CTNND2: variants seen among roughly 807,000 people sequenced by gnomAD.
CTNND2 encodes the protein catenin delta-2.
Under a neutral mutation model 144.4 loss-of-function variants are expected in CTNND2, and 22 were observed. That is an observed-to-expected ratio of 0.15 (90% CI 0.11 to 0.22). CTNND2 has a LOEUF of 0.22. Among genes scored for constraint, CTNND2 ranks in the 10% least tolerant of loss-of-function variants. CTNND2 has a pLI of 1.00. For synonymous variants in CTNND2, 751 were observed against 695.6 expected (o/e 1.08, Z -1.25); for missense variants, 1,353 against 1,618.8 (o/e 0.84, Z 2.82).
intron 1 of CTNND2, among the ~76,000 whole-genome samples, chr5:11,770,770 G>A (rs1055559280): frequency 2.6e-5 from 4 of 152,120 alleles, no homozygotes; most frequent in African/African-American, 9.7e-5. Context: ...AGAACAGTGA[G>A]TAGATCAGAA....
intron 2 of CTNND2, among the ~76,000 whole-genome samples, chr5:11,699,002 G>T (rs1785273516): frequency 6.7e-6 from 1 of 148,866 alleles, no homozygotes; most frequent in Non-Finnish European, 1.5e-5. Context: ...TACAATTTAT[G>T]TATTAACTAT....
At chr5:11,598,495 C>T (rs1779628840) in intron 2 of CTNND2, among the ~76,000 whole-genome samples, 2 of 152,150 alleles carry the variant, frequency 1.3e-5, no homozygotes, top group South Asian at 4.1e-4. Context: ...ATATTGTATA[C>T]ACATTTTAAA....
intron 2 of CTNND2, among the ~76,000 whole-genome samples, chr5:11,684,039 C>G (rs1167473038): frequency 6.6e-6 from 1 of 152,104 alleles, no homozygotes; most frequent in Non-Finnish European, 1.5e-5. Flanking sequence ...TGATGTCGAT[C>G]CACTTTTAAT....
At chr5:11,261,650 C>T (rs1283222230) in intron 9 of CTNND2, among the ~76,000 whole-genome samples, 2 of 152,242 alleles carry the variant, frequency 1.3e-5, no homozygotes, top group Admixed American at 1.3e-4. Context: ...ATCCTCGTGT[C>T]TCACCCACCC....
chr5:11,536,093 TCA>T (rs778485598), intron 3 of CTNND2, among the ~76,000 whole-genome samples: 1 of 152,238 alleles, frequency 6.6e-6, no homozygotes, highest in Admixed American at 6.5e-5. Context: ...TGACAAATTC[TCA>T]CTCTGTCACC....
chr5:11,206,014 T>C (rs1215580883), intron 10 of CTNND2, among the ~76,000 whole-genome samples: 2 of 152,222 alleles, frequency 1.3e-5, no homozygotes, highest in Non-Finnish European at 2.9e-5. Context: ...ATTTCAAAAG[T>C]GAATTGTTTA....
intron 2 of CTNND2, among the ~76,000 whole-genome samples, chr5:11,624,108 C>T (rs1342925630): frequency 1.3e-5 from 2 of 151,748 alleles, no homozygotes; most frequent in Non-Finnish European, 2.9e-5. Flanking sequence ...CTAATACACT[C>T]GTTAATAAGT....
At chr5:11,215,941 C>T (rs760226994) in intron 10 of CTNND2, among the ~76,000 whole-genome samples, 1 of 152,124 alleles carries the variant, frequency 6.6e-6, no homozygotes, top group African/African-American at 2.4e-5. Flanking sequence ...ATTTTCATAA[C>T]GAGAGTTGGG....
At chr5:11,128,356 C>A (rs752148979) in intron 12 of CTNND2, among the ~76,000 whole-genome samples, 1 of 152,230 alleles carries the variant, frequency 6.6e-6, no homozygotes, top group East Asian at 1.9e-4. Flanking sequence ...TGCTAACAAC[C>A]TGCAGTAGCT....
At chr5:11,060,044 A>G (rs1471969410) in intron 16 of CTNND2, among the ~76,000 whole-genome samples, 2 of 152,164 alleles carry the variant, frequency 1.3e-5, no homozygotes, top group Non-Finnish European at 2.9e-5. Flanking sequence ...AATTAGATTT[A>G]TAACTTCTGG....
In CTNND2 at chr5:11,365,010, G is replaced by GA. The variant is rs1360919666; in HGVS notation, c.1178-121dup. On this transcript the variant is annotated intron_variant, in intron 7 of 21. Coordinates refer to ENST00000304623, the MANE Select transcript of CTNND2 (RefSeq NM_001332.4). The stretch of plus-strand genomic sequence containing the variant: ...TGTTGAAATTCCCAGGAAACCAAAT[G>GA]AATAGCATGAAATGGCAGCAATATG... 2.3e-5 allele frequency: 18 copies of GA among 785,482 alleles called. No homozygotes were observed. In the Admixed American group the frequency reaches 5.2e-4, roughly 23 times the overall value. 48.7% of individuals were successfully genotyped at this position (785,482 alleles called of 1,614,324 possible).
At chr5:11,089,813 C>T (rs1750575628) in intron 15 of CTNND2, among the ~76,000 whole-genome samples, 1 of 152,168 alleles carries the variant, frequency 6.6e-6, no homozygotes, top group Admixed American at 6.5e-5. Flanking sequence ...AGTTCGAGAC[C>T]AGCCTGGCCA....
At chr5:11,542,250 T>G (rs1213263168) in intron 3 of CTNND2, among the ~76,000 whole-genome samples, 1 of 152,164 alleles carries the variant, frequency 6.6e-6, no homozygotes, top group Non-Finnish European at 1.5e-5. Context: ...CAGAACGCCT[T>G]CTTTTCAAGG....
At chr5:11,714,635 AGT>A (rs1786246359) in intron 2 of CTNND2, among the ~76,000 whole-genome samples, 1 of 152,206 alleles carries the variant, frequency 6.6e-6, no homozygotes, top group South Asian at 2.1e-4. Flanking sequence ...GGCCTGGCGC[AGT>A]GGTTCACACC....
At chr5:11,127,800 T>C (rs1366961577) in intron 12 of CTNND2, among the ~76,000 whole-genome samples, 1 of 152,130 alleles carries the variant, frequency 6.6e-6, no homozygotes, top group East Asian at 1.9e-4. Context: ...CAGCTCGGAT[T>C]TGGATGATTC....
intron 3 of CTNND2, among the ~76,000 whole-genome samples, chr5:11,509,348 G>A (rs913771274): frequency 1.2e-4 from 18 of 150,574 alleles, no homozygotes; most frequent in African/African-American, 2.2e-4. Flanking sequence ...TATACATGTT[G>A]TGGAACTATA....
intron 8 of CTNND2, among the ~76,000 whole-genome samples, chr5:11,357,649 A>G (rs1016382468): frequency 6.6e-6 from 1 of 152,096 alleles, no homozygotes; most frequent in Non-Finnish European, 1.5e-5. Context: ...ACAGTAAAAT[A>G]TTGTATATTA....
At chr5:11,232,437 C>T (rs565407908) in intron 10 of CTNND2, among the ~76,000 whole-genome samples, 10 of 152,358 alleles carry the variant, frequency 6.6e-5, no homozygotes, top group African/African-American at 9.6e-5. Context: ...CTTGCATCAG[C>T]GTGACCTGCG....
intron 2 of CTNND2, among the ~76,000 whole-genome samples, chr5:11,625,994 A>G (rs1294910150): frequency 6.6e-6 from 1 of 152,188 alleles, no homozygotes; most frequent in Non-Finnish European, 1.5e-5. Context: ...CACTCCAAAT[A>G]TATAACGTTT....
Sources: allele counts gnomAD v4.1 joint callset (sites outside exome capture counted in the v4.1 genomes callset), GRCh38; gene constraint gnomAD v4.1.1; transcripts MANE v1.5; gene names NCBI Gene and HGNC (gene_info 2026-07-23, HGNC 2026-07-21).